Variants in PDZRN4 observed in about 807,000 individuals in gnomAD.
PDZRN4 encodes PDZ domain containing ring finger 4, also known as PDZ domain-containing RING finger protein 4.
In PDZRN4, 70 loss-of-function variants were observed where a neutral mutation model predicts 99.0. The ratio of observed to expected loss-of-function variants is 0.71; its 90% CI spans 0.58 to 0.86. PDZRN4 has a LOEUF of 0.86. Ranked by LOEUF, PDZRN4 falls within the 40% of genes least tolerant of loss-of-function variation. The pLI, the probability that PDZRN4 is intolerant of heterozygous loss-of-function variation, is 0.00. For missense variants in PDZRN4, 1,474 were observed against 1,331.2 expected, an observed-to-expected ratio of 1.11 and a Z score of -1.67; for synonymous variants, 551 against 501.6, an observed-to-expected ratio of 1.10 and a Z score of -1.32.
intron 3 of PDZRN4, among the ~76,000 whole-genome samples, chr12:41,201,831 A>T (rs1229243186): frequency 6.6e-6 from 1 of 152,142 alleles, no homozygotes; most frequent in Non-Finnish European, 1.5e-5. Flanking sequence ...ATCTTTCTAG[A>T]CTGTTTCTTA....
At chr12:41,568,173 T>C (rs1332316426) in intron 9 of PDZRN4, among the ~76,000 whole-genome samples, 1 of 152,190 alleles carries the variant, frequency 6.6e-6, no homozygotes, top group African/African-American at 2.4e-5. Flanking sequence ...TTCAAACTAA[T>C]TGCAGAAATT....
intron 3 of PDZRN4, among the ~76,000 whole-genome samples, chr12:41,469,556 T>C (rs959894189): frequency 1.3e-5 from 2 of 152,230 alleles, no homozygotes; most frequent in South Asian, 4.1e-4. Context: ...TTCTTTTTTC[T>C]GCACATTAAT....
At chr12:41,538,449 A>C (rs375564462) in intron 5 of PDZRN4, among the ~76,000 whole-genome samples, 1 of 152,166 alleles carries the variant, frequency 6.6e-6, no homozygotes, top group Non-Finnish European at 1.5e-5. Flanking sequence ...TAAATTATGC[A>C]CTAGTGAACA....
At chr12:41,509,073 T>G (rs978452733) in intron 4 of PDZRN4, among the ~76,000 whole-genome samples, 1 of 152,184 alleles carries the variant, frequency 6.6e-6, no homozygotes, top group African/African-American at 2.4e-5. Flanking sequence ...ACAAACTATT[T>G]AAAAATTTCC....
chr12:41,474,697 G>T (rs1953023899), intron 3 of PDZRN4, among the ~76,000 whole-genome samples: 1 of 152,184 alleles, frequency 6.6e-6, no homozygotes, highest in East Asian at 1.9e-4. Flanking sequence ...AAGTCGGGTG[G>T]AGGATTATGG....
intron 3 of PDZRN4, among the ~76,000 whole-genome samples, chr12:41,351,579 A>C (rs1413942913): frequency 6.6e-6 from 1 of 151,912 alleles, no homozygotes; most frequent in Non-Finnish European, 1.5e-5. Context: ...GGCCAGAAGG[A>C]GAGAGAGAGA....
At chr12:41,244,370 A>T (rs1393762196) in intron 3 of PDZRN4, among the ~76,000 whole-genome samples, 1 of 152,172 alleles carries the variant, frequency 6.6e-6, no homozygotes, top group East Asian at 1.9e-4. Context: ...CCATACCACA[A>T]CCAGAGTGTT....
At chr12:41,265,744 A>G (rs1237185846) in intron 3 of PDZRN4, among the ~76,000 whole-genome samples, 1 of 152,190 alleles carries the variant, frequency 6.6e-6, no homozygotes. Context: ...ATTGCATCAT[A>G]TTTTTAACTT....
chr12:41,207,421 A>C (rs186912161), intron 3 of PDZRN4, among the ~76,000 whole-genome samples: 486 of 151,928 alleles, frequency 3.2e-3, no homozygotes, highest in African/African-American at 7.2e-3. Flanking sequence ...TTTATATAAA[A>C]ATGTTATATT....
chr12:41,489,653 A>G (rs560744478), intron 3 of PDZRN4, among the ~76,000 whole-genome samples: 6 of 148,858 alleles, frequency 4.0e-5, no homozygotes, highest in Middle Eastern at 3.4e-3. Flanking sequence ...TAAAGCTTAA[A>G]TATTTTACTG....
intron 3 of PDZRN4, among the ~76,000 whole-genome samples, chr12:41,461,963 ATGTGACTCATGTTCACATTTATAAT>A (rs1952877847): frequency 6.6e-6 from 1 of 152,074 alleles, no homozygotes; most frequent in South Asian, 2.1e-4. Flanking sequence ...GTTCAGGAAA[ATGTGACTCATGTTCACATTTATAAT>A]TAACCTCACA....
intron 3 of PDZRN4, among the ~76,000 whole-genome samples, chr12:41,198,923 T>C (rs1442671517): frequency 6.6e-6 from 1 of 152,186 alleles, no homozygotes; most frequent in East Asian, 1.9e-4. Flanking sequence ...TGTAATGTTA[T>C]ACCTCTGCAT....
chr12:41,338,642 A>C (rs1239202839), intron 3 of PDZRN4, among the ~76,000 whole-genome samples: 2 of 152,024 alleles, frequency 1.3e-5, no homozygotes, highest in Non-Finnish European at 2.9e-5. Flanking sequence ...CATCACAGAA[A>C]TACAAAGGAT....
intron 3 of PDZRN4, among the ~76,000 whole-genome samples, chr12:41,410,138 T>C (rs1265855050): frequency 6.6e-6 from 1 of 152,228 alleles, no homozygotes; most frequent in Admixed American, 6.5e-5. Flanking sequence ...TTTTATCTTT[T>C]TGAGAAAATG....
chr12:41,415,843 G>A (rs914375171), intron 3 of PDZRN4, among the ~76,000 whole-genome samples: 12 of 152,124 alleles, frequency 7.9e-5, no homozygotes, highest in African/African-American at 2.4e-4. Context: ...TATTTAGTTA[G>A]ATAATCAAGA....
At chr12:41,356,759 A>G (rs537865222) in intron 3 of PDZRN4, among the ~76,000 whole-genome samples, 1 of 152,102 alleles carries the variant, frequency 6.6e-6, no homozygotes, top group East Asian at 1.9e-4. Context: ...CATCTGGTAG[A>G]GACTTGGATC....
chr12:41,204,689 C>T (rs1362745921), intron 3 of PDZRN4, among the ~76,000 whole-genome samples: 1 of 151,980 alleles, frequency 6.6e-6, no homozygotes, highest in African/African-American at 2.4e-5. Context: ...GGGGGAACCA[C>T]CCCCGTGATT....
At chr12:41,336,868 G>A (rs1951779105) in intron 3 of PDZRN4, among the ~76,000 whole-genome samples, 1 of 151,784 alleles carries the variant, frequency 6.6e-6, no homozygotes, top group Non-Finnish European at 1.5e-5. Context: ...TGTGGTATCA[G>A]CTGATCCATC....
At chr12:41,474,334 A>G (rs977049508) in intron 3 of PDZRN4, among the ~76,000 whole-genome samples, 14 of 152,212 alleles carry the variant, frequency 9.2e-5, no homozygotes, top group Non-Finnish European at 1.5e-5. Context: ...TATATTTTAA[A>G]ATTATTTTTA....
Sources: allele counts gnomAD v4.1 joint callset (sites outside exome capture counted in the v4.1 genomes callset), GRCh38; gene constraint gnomAD v4.1.1; transcripts MANE v1.5; gene names NCBI Gene and HGNC (gene_info 2026-07-23, HGNC 2026-07-21).